RASGRP1: variants seen among roughly 807,000 people sequenced by gnomAD.
RASGRP1 encodes RAS guanyl releasing protein 1.
In RASGRP1, 37 loss-of-function variants were observed where a neutral mutation model predicts 95.1. The ratio of observed to expected loss-of-function variants is 0.39; its 90% CI spans 0.30 to 0.51. The LOEUF is 0.51. Ranked by LOEUF, RASGRP1 falls within the 20% of genes least tolerant of loss-of-function variation. The pLI, the probability that RASGRP1 is intolerant of heterozygous loss-of-function variation, is 0.80. For synonymous variants in RASGRP1, 325 were observed against 353.4 expected (o/e 0.92, Z 0.90); for missense variants, 711 against 965.4 (o/e 0.74, Z 3.49).
chr15:38,491,621 T>G (rs62002958), intron 16 of RASGRP1, among the ~76,000 whole-genome samples: 2,188 of 152,294 alleles, frequency 0.014, 23 homozygotes, highest in Non-Finnish European at 0.019. Context: ...TAATATACGT[T>G]ATATATTGTA....
chr15:38,564,459 G>A, intron 1 of RASGRP1, 135 bp downstream of exon 1: 1 of 784,762 alleles, frequency 1.3e-6, no homozygotes, highest in Non-Finnish European at 1.7e-6. Context: ...CCGTCGCGCT[G>A]GTGTCCCGGG....
chr15:38,511,642 T>G lies in RASGRP1; in HGVS notation c.928A>C (p.Lys310Gln). 1 of 1,613,634 alleles carries G rather than the reference T, an allele frequency of 6.2e-7. No individual in the cohort carries two copies. Among genetic ancestry groups the G allele is most frequent in the Non-Finnish European group, 8.5e-7 (1 of 1,179,644 alleles). ...TGTGGGACATGCGAACTTGTCTCCT[T>G]GAGCCTCGAGATTGAGCTGTGACAC... is the stretch of plus-strand genomic sequence containing the variant. ...GLCHSSISRL[K>Q]ETSSHVPHEI... Residue 310 changes from lysine (K) to glutamine (Q), a missense_variant, in exon 8 of 17, where the codon AAG (lysine) becomes CAG (glutamine). Around this residue, in one of 3 missense-constraint regions of RASGRP1, gnomAD observed 491 missense variants for 676.6 expected, o/e 0.73. Coordinates refer to ENST00000310803, the MANE Select transcript of RASGRP1 (RefSeq NM_005739.4).
intron 2 of RASGRP1, among the ~76,000 whole-genome samples, chr15:38,556,914 C>T (rs186572227): frequency 6.6e-5 from 10 of 152,220 alleles, no homozygotes; most frequent in South Asian, 4.2e-4. Flanking sequence ...GCTGAAATTA[C>T]GGTCTGAGGC....
At chr15:38,554,820 A>G (rs770493643) in intron 2 of RASGRP1, among the ~76,000 whole-genome samples, 20 of 152,244 alleles carry the variant, frequency 1.3e-4, no homozygotes, top group Non-Finnish European at 2.5e-4. Context: ...TCTTGTAGCC[A>G]CGACTACTAG....
At chr15:38,545,949 G>A (rs1252747763) in intron 2 of RASGRP1, among the ~76,000 whole-genome samples, 1 of 152,110 alleles carries the variant, frequency 6.6e-6, no homozygotes, top group Non-Finnish European at 1.5e-5. Flanking sequence ...CAAATTCATG[G>A]GAAAATTTAA....
At chr15:38,564,482 C>G (rs980028907) in intron 1 of RASGRP1, 112 bp downstream of exon 1, 1 of 1,108,060 alleles carries the variant, frequency 9.0e-7, no homozygotes, top group African/African-American at 1.7e-5. Flanking sequence ...TCCGGCCGAC[C>G]CCGGCCCCCC....
rs987384012 is a variant in RASGRP1 at position 38,490,503 on chromosome 15, G to A, written c.*51C>T. On this transcript the variant is annotated 3_prime_UTR_variant, in exon 17 of 17. Transcript: ENST00000310803. ...CCTCAGGTCTGTGCATTACAGTTTAGGAAATGAGATCACTATACTCATCTA... is the reference window on the plus strand; with the variant it reads ...CCTCAGGTCTGTGCATTACAGTTTAAGAAATGAGATCACTATACTCATCTA... 1 of 1,572,090 alleles carries A rather than the reference G, an allele frequency of 6.4e-7. No homozygotes were observed. Among genetic ancestry groups the A allele is most frequent in the Admixed American group, 1.8e-5 (1 of 54,398 alleles).
At chr15:38,518,520 CAGAAAA>C in intron 4 of RASGRP1, 97 bp from the exon 5 acceptor site, 1 of 1,296,206 alleles carries the variant, frequency 7.7e-7, no homozygotes, top group Non-Finnish European at 1.1e-6. Context: ...AAAGAGAACT[CAGAAAA>C]AGACAAAGTC....
intron 2 of RASGRP1, among the ~76,000 whole-genome samples, chr15:38,550,160 G>A (rs1488089616): frequency 9.1e-5 from 13 of 142,954 alleles, no homozygotes. Context: ...TGAGGCACGA[G>A]AATCACTTGA....
At chr15:38,533,680 GC>G (rs986950540) in intron 2 of RASGRP1, among the ~76,000 whole-genome samples, 2 of 152,174 alleles carry the variant, frequency 1.3e-5, no homozygotes, top group African/African-American at 4.8e-5. Context: ...TTAGTCCCCA[GC>G]CCCTCAAGAC....
intron 2 of RASGRP1, among the ~76,000 whole-genome samples, chr15:38,537,098 T>G (rs1892684005): frequency 6.6e-6 from 1 of 152,108 alleles, no homozygotes; most frequent in Admixed American, 6.5e-5. Context: ...GGAACCATGA[T>G]TTTTTTGTCC....
At chr15:38,496,620 A>G (rs572468630) in intron 15 of RASGRP1, among the ~76,000 whole-genome samples, 2 of 152,186 alleles carry the variant, frequency 1.3e-5, no homozygotes, top group East Asian at 3.9e-4. Flanking sequence ...TAAAAGTTGA[A>G]CATCAAATTC....
At chr15:38,501,321 A>G in intron 12 of RASGRP1, 34 bp from the exon 13 acceptor site, 1 of 1,611,622 alleles carries the variant, frequency 6.2e-7, no homozygotes, top group East Asian at 2.2e-5. Flanking sequence ...GGATGTGAGT[A>G]TAAGGGGCAT....
intron 1 of RASGRP1, among the ~76,000 whole-genome samples, chr15:38,563,249 A>G (rs1893885711): frequency 6.6e-6 from 1 of 152,236 alleles, no homozygotes; most frequent in Non-Finnish European, 1.5e-5. Flanking sequence ...TTAACAATCC[A>G]TAGAATGAAT....
intron 7 of RASGRP1, among the ~76,000 whole-genome samples, chr15:38,512,222 T>G (rs1228948718): frequency 6.6e-6 from 1 of 152,226 alleles, no homozygotes; most frequent in Non-Finnish European, 1.5e-5. Flanking sequence ...AGACTTTTAT[T>G]TTTGAGGGTA....
At chr15:38,541,200 T>C (rs887545502) in intron 2 of RASGRP1, among the ~76,000 whole-genome samples, 1 of 152,226 alleles carries the variant, frequency 6.6e-6, no homozygotes, top group Non-Finnish European at 1.5e-5. Context: ...TTGAGGTGGG[T>C]AGGGACTGTA....
rs1344321277 is a variant in RASGRP1 at position 38,505,861 on chromosome 15, T to C, written c.1302A>G (p.Glu434=). ...DEIYELSYAR[E]PRNHRAPPLT... ...TCACTGGAGCTCTGTGGTTCCTTGG[T>C]TCCCGGGCATAGGAAAGCTCATAGA... is the stretch of plus-strand genomic sequence containing the variant. Residue 434 remains glutamate (E), a synonymous_variant, in exon 10 of 17, where the codon GAA becomes GAG. Transcript: ENST00000310803. The C allele has an allele frequency of 6.2e-7, 1 of 1,611,596 alleles. No homozygotes were observed. Among genetic ancestry groups the C allele is most frequent in the Non-Finnish European group, 8.5e-7 (1 of 1,178,318 alleles).
chr15:38,560,130 C>A (rs745823678), intron 1 of RASGRP1, 125 bp from the exon 2 acceptor site: 24 of 873,576 alleles, frequency 2.7e-5, no homozygotes, highest in Non-Finnish European at 5.4e-6. Flanking sequence ...GAAGCCATAC[C>A]CCTCCCACTT....
At chr15:38,501,101 C>T in intron 13 of RASGRP1, 42 bp downstream of exon 13, 1 of 1,547,404 alleles carries the variant, frequency 6.5e-7, no homozygotes, top group Non-Finnish European at 8.7e-7. Context: ...ATCCCACACT[C>T]TTCCCCAAAT....
Sources: gnomAD v4.1 joint callset for allele counts (sites outside exome capture counted in the v4.1 genomes callset) on GRCh38, gnomAD v4.1.1 for gene constraint, gnomAD v4.1.1 regional missense constraint, MANE v1.5 for transcripts, NCBI Gene and HGNC (gene_info 2026-07-23, HGNC 2026-07-21) for gene names.